The following PPIP5K2 variants were observed in gnomAD, a reference collection of about 807,000 sequenced individuals.
PPIP5K2 encodes the protein inositol hexakisphosphate and diphosphoinositol-pentakisphosphate kinase 2.
A neutral mutation model predicts 154.6 loss-of-function variants in PPIP5K2; 105 were observed. The ratio of observed to expected loss-of-function variants is 0.68; its 90% CI spans 0.58 to 0.80. The LOEUF (loss-of-function observed/expected upper bound fraction) is 0.80. PPIP5K2 is among the 30% of genes least tolerant of loss of function. The pLI is 0.00. For missense variants in PPIP5K2, 992 were observed against 1,504.6 expected, an observed-to-expected ratio of 0.66 and a Z score of 5.64; for synonymous variants, 480 against 490.3, an observed-to-expected ratio of 0.98 and a Z score of 0.28.
chr5:103,154,979 A>T, intron 13 of PPIP5K2, 36 bp downstream of exon 13: 1 of 1,228,542 alleles, frequency 8.1e-7, no homozygotes, highest in South Asian at 1.6e-5. Flanking sequence ...TTGTGGTACT[A>T]CATATAGCTC....
chr5:103,123,573 G>T (rs1789139031), intron 1 of PPIP5K2, among the ~76,000 whole-genome samples: 1 of 152,184 alleles, frequency 6.6e-6, no homozygotes. Flanking sequence ...AGGTTTAAGG[G>T]ATATTTGTCT....
chr5:103,209,976 G>T lies in PPIP5K2; in HGVS notation c.*8342G>T, dbSNP rs1036051828. 4 of 152,028 alleles carry T rather than the reference G, an allele frequency of 2.6e-5. No individual in the cohort carries two copies. The highest frequency in any genetic ancestry group is 2.9e-5 in the Non-Finnish European group (2 of 68,000). 9.4% of individuals were successfully genotyped at this position (152,028 alleles called of 1,614,324 possible). A position where few individuals can be genotyped will look rare whatever the true frequency, so the allele number is the denominator to read the frequency against. On this transcript the variant is annotated 3_prime_UTR_variant, in exon 31 of 31. Transcript: ENST00000358359. ...CTCAAAAGTCATGACAATAAAATGA[G>T]ACCTGGGAGTCCCAAATGTTATTAA... is the stretch of plus-strand genomic sequence containing the variant.
In PPIP5K2 at chr5:103,180,177, G is replaced by T; in HGVS notation, c.2911G>T (p.Ala971Ser). 1 of 1,588,612 alleles carries T rather than the reference G, an allele frequency of 6.3e-7. No individual in the cohort carries two copies. Among genetic ancestry groups the T allele is most frequent in the Non-Finnish European group, 8.5e-7 (1 of 1,170,538 alleles). ...TCCACTTCCAAGATCTAGGAAGACG[G>T]CTACAAATGATGTAAGTATATGTAT... ...KSPLPRSRKT[A>S]TNDEESPLSV... is the part of the protein sequence containing the mutation. The change falls in exon 24 of 31, where the codon GCT becomes TCT. Residue 971 changes from alanine (A) to serine (S), a missense_variant. By Grantham distance (99) the Ala-to-Ser change is moderately conservative. Coordinates refer to ENST00000358359, the MANE Select transcript of PPIP5K2 (RefSeq NM_001276277.3).
intron 26 of PPIP5K2, among the ~76,000 whole-genome samples, chr5:103,185,035 A>G (rs1800149269): frequency 6.6e-6 from 1 of 152,182 alleles, no homozygotes; most frequent in South Asian, 2.1e-4. Flanking sequence ...TAATTTATGA[A>G]GGAAACTTCA....
At chr5:103,151,410 T>C (rs1562417512) in intron 9 of PPIP5K2, 36 bp downstream of exon 9, 1 of 1,499,688 alleles carries the variant, frequency 6.7e-7, no homozygotes, top group South Asian at 1.2e-5. Context: ...TACCTTCATA[T>C]ACTAGTTATT....
chr5:103,186,104 C>A (rs1490459295), intron 26 of PPIP5K2, among the ~76,000 whole-genome samples: 2 of 151,856 alleles, frequency 1.3e-5, no homozygotes, highest in Non-Finnish European at 2.9e-5. Flanking sequence ...TGTTAAATTA[C>A]CCCATTTGTA....
intron 21 of PPIP5K2, chr5:103,176,940 C>T: frequency 7.0e-7 from 1 of 1,427,294 alleles, no homozygotes; most frequent in Non-Finnish European, 9.5e-7. Context: ...CATATGCCTC[C>T]TTCTTCTGAT....
rs1562344663 is a variant in PPIP5K2, at chr5:103,120,384, T to C, written c.-389T>C. 1 of 456,612 alleles carries C rather than the reference T, an allele frequency of 2.2e-6. No homozygotes were observed. The highest frequency in any genetic ancestry group is 2.3e-5 in the Admixed American group (1 of 42,568). The allele number at this position is 456,612 out of a possible 1,614,324, so 28.3% of individuals were successfully genotyped here. On this transcript the variant is annotated 5_prime_UTR_variant, in exon 1 of 31. Coordinates refer to ENST00000358359, the MANE Select transcript of PPIP5K2 (RefSeq NM_001276277.3). ...CGTCCACGCCTACAACTGAAGTCTCTTGACAAACACCTCACCCCTGCCTCC... is the reference window on the plus strand; with the variant it reads ...CGTCCACGCCTACAACTGAAGTCTCCTGACAAACACCTCACCCCTGCCTCC...
intron 23 of PPIP5K2, among the ~76,000 whole-genome samples, chr5:103,179,056 C>T (rs2432169): frequency 0.4 from 59,995 of 151,526 alleles, 12,584 homozygotes; most frequent in African/African-American, 0.53. Context: ...TTAGAGTCAT[C>T]TGGATTTTTT....
intron 2 of PPIP5K2, among the ~76,000 whole-genome samples, chr5:103,131,842 AT>A (rs1790673343): frequency 6.6e-6 from 1 of 152,174 alleles, no homozygotes; most frequent in Non-Finnish European, 1.5e-5. Context: ...AAACTCTGCG[AT>A]TGTGCCTTAA....
At chr5:103,179,914 C>T (rs1799251574) in intron 23 of PPIP5K2, 107 bp from the exon 24 acceptor site, 1 of 913,930 alleles carries the variant, frequency 1.1e-6, no homozygotes, top group East Asian at 2.9e-5. Context: ...AGTAAACAAA[C>T]TTGTATATGT....
intron 19 of PPIP5K2, among the ~76,000 whole-genome samples, chr5:103,172,822 G>C (rs1554219885): frequency 6.6e-6 from 1 of 151,604 alleles, no homozygotes; most frequent in African/African-American, 2.4e-5. Flanking sequence ...TTTAGTGTTT[G>C]TGGCCTTAAT....
At chr5:103,120,871 G>A (rs115610401) in intron 1 of PPIP5K2, 217 of 175,734 alleles carry the variant, frequency 1.2e-3, no homozygotes, top group African/African-American at 4.8e-3. Flanking sequence ...AAAATTTTCT[G>A]CCTTAGTCTT....
intron 25 of PPIP5K2, 60 bp downstream of exon 25, chr5:103,183,467 T>C: frequency 7.0e-7 from 1 of 1,431,324 alleles, no homozygotes; most frequent in Non-Finnish European, 9.7e-7. Flanking sequence ...AACAAACAGC[T>C]GTCTTTGAGG....
intron 17 of PPIP5K2, among the ~76,000 whole-genome samples, chr5:103,165,143 C>T (rs1020700771): frequency 6.6e-6 from 1 of 152,020 alleles, no homozygotes; most frequent in Non-Finnish European, 1.5e-5. Flanking sequence ...TCATCAAATT[C>T]CATTAAGTTA....
At chr5:103,184,618 A>G (rs1800064678) in intron 25 of PPIP5K2, 54 bp from the exon 26 acceptor site, 1 of 1,370,438 alleles carries the variant, frequency 7.3e-7, no homozygotes, top group African/African-American at 1.4e-5. Context: ...TGAAGTATAG[A>G]CTTATGAATT....
At chr5:103,162,349 T>TG (rs1796405331) in intron 17 of PPIP5K2, among the ~76,000 whole-genome samples, 3 of 138,186 alleles carry the variant, frequency 2.2e-5, no homozygotes, top group African/African-American at 7.5e-5. Flanking sequence ...TGATGTGTTT[T>TG]CTTTTTTTTT....
At position 103,136,903 on chromosome 5, in the gene PPIP5K2, G is replaced by T. The variant is rs115793340; in HGVS notation, c.401+81G>T. 2.0e-5 allele frequency: 20 copies of T among 981,186 alleles called. 1 individual carries two copies. In the African/African-American group the frequency reaches 3.1e-4, roughly 15 times the overall value. The allele number at this position is 981,186 out of a possible 1,614,324, so 60.8% of individuals were successfully genotyped here. Reference sequence around the variant, plus strand: ...CTACTGTACACTGACATGGCATCAGGTGTTTTTGCATTATTAATTCATTGT... The same window carrying T: ...CTACTGTACACTGACATGGCATCAGTTGTTTTTGCATTATTAATTCATTGT... On this transcript the variant is annotated intron_variant, in intron 4 of 30. Coordinates refer to ENST00000358359, the MANE Select transcript of PPIP5K2 (RefSeq NM_001276277.3).
chr5:103,196,882 G>A (rs1412845218), intron 30 of PPIP5K2, among the ~76,000 whole-genome samples: 5 of 152,072 alleles, frequency 3.3e-5, no homozygotes, highest in African/African-American at 9.7e-5. Flanking sequence ...GCATGTCACT[G>A]TCTGGGATAA....
Sources: allele counts gnomAD v4.1 joint callset (sites outside exome capture counted in the v4.1 genomes callset), GRCh38; gene constraint gnomAD v4.1.1; transcripts MANE v1.5; gene names NCBI Gene and HGNC (gene_info 2026-07-23, HGNC 2026-07-21).